The following DOCK8 variants were observed in gnomAD, a reference collection of about 807,000 sequenced individuals.
DOCK8 encodes the protein dedicator of cytokinesis protein 8.
DOCK8 carries 141 observed loss-of-function variants against 245.6 expected under a neutral mutation model. That is an observed-to-expected ratio of 0.57 (90% CI 0.50 to 0.66). The LOEUF is 0.66. Ranked by LOEUF, DOCK8 falls within the 30% of genes least tolerant of loss-of-function variation. The pLI is 0.00. For missense variants in DOCK8, 2,965 were observed against 2,603.4 expected (o/e 1.14, Z -3.02); for synonymous variants, 1,168 against 970.2 (o/e 1.20, Z -3.79).
chr9:236,000 T>C (rs558416862), intron 1 of DOCK8, among the ~76,000 whole-genome samples: 57 of 152,356 alleles, frequency 3.7e-4, no homozygotes, highest in Non-Finnish European at 6.8e-4. Context: ...TCGCTCACGC[T>C]GGGAGCTGTA....
At chr9:445,631 A>G (rs67044574) in intron 43 of DOCK8, among the ~76,000 whole-genome samples, 1 of 152,210 alleles carries the variant, frequency 6.6e-6, no homozygotes, top group Non-Finnish European at 1.5e-5. Flanking sequence ...TTGGTAGTCC[A>G]TGTTGCAATA....
chr9:428,298 C>T (rs1306028050), intron 34 of DOCK8, 64 bp from the exon 35 acceptor site: 2 of 1,612,116 alleles, frequency 1.2e-6, no homozygotes, highest in African/African-American at 1.3e-5. Flanking sequence ...AGCTAATTGT[C>T]AGGAACATCC....
At chr9:399,367 T>C (rs960836070) in intron 26 of DOCK8, 108 bp downstream of exon 26, 2 of 818,614 alleles carry the variant, frequency 2.4e-6, no homozygotes, top group Non-Finnish European at 4.2e-6. Context: ...TGAGTTGGCA[T>C]GAATCCTACA....
At chr9:436,321 G>A (rs1446579294) in intron 39 of DOCK8, among the ~76,000 whole-genome samples, 1 of 152,190 alleles carries the variant, frequency 6.6e-6, no homozygotes, top group Non-Finnish European at 1.5e-5. Context: ...AATAACACCT[G>A]ATTTCAAATC....
intron 1 of DOCK8, among the ~76,000 whole-genome samples, chr9:253,411 T>C (rs2047696579): frequency 6.6e-6 from 1 of 152,170 alleles, no homozygotes; most frequent in Non-Finnish European, 1.5e-5. Flanking sequence ...AGCAACTTTC[T>C]TTAGGAAAAA....
intron 5 of DOCK8, among the ~76,000 whole-genome samples, chr9:308,032 G>A (rs181612807): frequency 6.6e-6 from 1 of 152,286 alleles, no homozygotes; most frequent in Non-Finnish European, 1.5e-5. Context: ...GAGGGTAGAA[G>A]TGGTAACTAG....
chr9:230,830 A>G (rs2047098523), intron 1 of DOCK8, among the ~76,000 whole-genome samples: 1 of 151,656 alleles, frequency 6.6e-6, no homozygotes, highest in South Asian at 2.1e-4. Context: ...GGTTGCAAAA[A>G]TTTTCTCCCA....
rs562805926 is a variant in DOCK8 at position 304,796 on chromosome 9, C to T, written c.528+92C>T. The T allele has an allele frequency of 4.8e-5, 76 of 1,572,608 alleles. 1 individual carries two copies. Among genetic ancestry groups the T allele is most frequent in the South Asian group, 4.5e-4 (40 of 88,546 alleles). ...TTTACAAACTAGAATAAACGATAGA[C>T]GCATAGAAAGTTTGAGTAGGAGGAA... On this transcript the variant is annotated intron_variant, in intron 5 of 47. Coordinates refer to ENST00000432829, the MANE Select transcript of DOCK8 (RefSeq NM_203447.4).
In DOCK8 at chr9:434,842, C is replaced by G. The variant is rs752085039; in HGVS notation, c.4946C>G (p.Ala1649Gly). ...DLRLTWLQNM[A>G]EKHTKKKCYT... The stretch of plus-strand genomic sequence containing the variant: ...CGGCTGACCTGGCTCCAGAACATGG[C>G]AGAGAAACACACCAAGAAGAAGTGC... The change falls in exon 39 of 48, where the codon GCA becomes GGA. Residue 1649 changes from alanine (A) to glycine (G), a missense_variant. Ala to Gly is a moderately conservative substitution (Grantham distance 60). This residue lies in a region of DOCK8 where 2,825 missense variants were observed against 2,453.5 expected (regional missense o/e 1.15). Coordinates refer to ENST00000432829, the MANE Select transcript of DOCK8 (RefSeq NM_203447.4). The G allele has an allele frequency of 6.2e-7, 1 of 1,614,148 alleles. No homozygotes were observed. The highest frequency in any genetic ancestry group is 1.3e-5 in the African/African-American group (1 of 75,034).
intron 14 of DOCK8, chr9:366,434 G>C (rs1319086889): frequency 1.3e-5 from 2 of 152,174 alleles, no homozygotes; most frequent in African/African-American, 4.8e-5. Flanking sequence ...GTTCTTGATT[G>C]TTCCAATTAT....
At position 422,501 on chromosome 9, in the gene DOCK8, A is replaced by G. The variant is rs113697294; in HGVS notation, c.4241+366A>G. Among the ~76,000 whole-genome samples the G allele has an allele frequency of 9.6e-3, 1,463 of 152,362 alleles. 24 individuals carry two copies. Among genetic ancestry groups the G allele is most frequent in the African/African-American group, 0.033 (1,365 of 41,578 alleles). On this transcript the variant is annotated intron_variant, in intron 33 of 47. Transcript: ENST00000432829. ...CGATATTTCCTTTCTGGAAATATGT[A>G]CAAGATATACATTCAGATATATTTA...
upstream of DOCK8, chr9:214,769 G>T (rs758761240): frequency 3.7e-5 from 57 of 1,538,696 alleles, no homozygotes; most frequent in Non-Finnish European, 4.9e-5. Context: ...CGCCAGGCCG[G>T]GTGGCGGAGC....
intron 39 of DOCK8, among the ~76,000 whole-genome samples, chr9:437,530 G>A (rs1388629421): frequency 6.6e-6 from 1 of 152,160 alleles, no homozygotes; most frequent in African/African-American, 2.4e-5. Flanking sequence ...GGAATTATGG[G>A]TGATTTCTTC....
intron 14 of DOCK8, among the ~76,000 whole-genome samples, chr9:351,618 T>A (rs1227527256): frequency 6.6e-6 from 1 of 152,226 alleles, no homozygotes; most frequent in Non-Finnish European, 1.5e-5. Context: ...CAGCAGGCTG[T>A]GTTAGCTCAC....
In DOCK8 at chr9:435,008, TGGTTCTCAACTGG is replaced by T. The variant is rs1193932260; in HGVS notation, c.5079+36_5079+48del. Reference sequence around the variant, plus strand: ...GTGTGCAGCTTTTCCCTTAGAGCAGTGGTTCTCAACTGGGGCGATTTTGTCCCCCAGCCCCAGG... The same window carrying T: ...GTGTGCAGCTTTTCCCTTAGAGCAGTGGCGATTTTGTCCCCCAGCCCCAGG... On this transcript the variant is annotated intron_variant, in intron 39 of 47. Coordinates refer to ENST00000432829, the MANE Select transcript of DOCK8 (RefSeq NM_203447.4). The T allele has an allele frequency of 1.9e-6, 3 of 1,608,928 alleles. No homozygotes were observed. In the African/African-American group the frequency reaches 4.0e-5, roughly 22 times the overall value.
chr9:319,987 C>T (rs879605268), intron 7 of DOCK8, among the ~76,000 whole-genome samples: 3 of 152,226 alleles, frequency 2.0e-5, no homozygotes, highest in Admixed American at 2.0e-4. Context: ...AACAATCTCC[C>T]TCAAGAGATT....
intron 4 of DOCK8, among the ~76,000 whole-genome samples, chr9:301,810 A>G (rs763021318): frequency 1.3e-5 from 2 of 152,216 alleles, no homozygotes; most frequent in African/African-American, 2.4e-5. Flanking sequence ...GATCTCTACA[A>G]TGAGAATTAT....
In DOCK8 at chr9:334,359, G is replaced by A; in HGVS notation, c.1260G>A (p.Glu420=). 1 of 1,614,090 alleles carries A rather than the reference G, an allele frequency of 6.2e-7. No homozygotes were observed. Among genetic ancestry groups the A allele is most frequent in the South Asian group, 1.1e-5 (1 of 91,084 alleles). The part of the protein sequence containing the change: ...SFFNVSTLER[E]VTDVDSVVGR... ...TCAATGTCTCCACCCTTGAGAGGGAGGTAACTGATGTGGACTCTGTGGTTG... is the reference window on the plus strand; with the variant it reads ...TCAATGTCTCCACCCTTGAGAGGGAAGTAACTGATGTGGACTCTGTGGTTG... Residue 420 remains glutamate (E), a synonymous_variant, in exon 11 of 48, where the codon GAG becomes GAA. Transcript: ENST00000432829.
intron 26 of DOCK8, among the ~76,000 whole-genome samples, chr9:403,978 G>GTATATATATATATGTA (rs2055290755): frequency 4.6e-5 from 3 of 65,214 alleles, no homozygotes; most frequent in East Asian, 9.0e-4. Flanking sequence ...ATATATATGT[G>GTATATATATATATGTA]TATATATATA....
Sources: allele counts gnomAD v4.1 joint callset (sites outside exome capture counted in the v4.1 genomes callset), GRCh38; gene constraint gnomAD v4.1.1; regional missense constraint gnomAD v4.1.1; transcripts MANE v1.5; gene names NCBI Gene and HGNC (gene_info 2026-07-23, HGNC 2026-07-21).